The following KAZN variants were observed in gnomAD, a reference collection of about 807,000 sequenced individuals.
KAZN encodes the protein kazrin, periplakin interacting protein.
A neutral mutation model predicts 87.4 loss-of-function variants in KAZN; 40 were observed. The observed-to-expected ratio is 0.46, with a 90% confidence interval of 0.36 to 0.60. The LOEUF is 0.60. Ranked by LOEUF, KAZN falls within the 20% of genes least tolerant of loss-of-function variation. The probability of loss-of-function intolerance (pLI) is 0.00; values close to 1 mark genes in which losing one functional copy is unlikely to be tolerated. For missense variants in KAZN, 898 were observed against 1,073.9 expected, an observed-to-expected ratio of 0.84 and a Z score of 2.29; for synonymous variants, 466 against 458.3, an observed-to-expected ratio of 1.02 and a Z score of -0.22.
In KAZN at chr1:14,157,846, G is replaced by A. The variant is rs542460986; in HGVS notation, c.92-22589G>A. On this transcript the variant is annotated intron_variant, in intron 1 of 16. Transcript: ENST00000636203. ...TACAATCATGGAGGAAGGTGAAAGG[G>A]AAGCAAGGCATGTCTTACATGGCAG... Among the ~76,000 whole-genome samples, 19 of 152,270 alleles carry A rather than the reference G, an allele frequency of 1.2e-4. No homozygotes were observed. The South Asian group carries it at 2.7e-3, about 22-fold the overall frequency.
At chr1:14,241,293 G>A (rs1203735221) in intron 2 of KAZN, among the ~76,000 whole-genome samples, 1 of 152,148 alleles carries the variant, frequency 6.6e-6, no homozygotes, top group Non-Finnish European at 1.5e-5. Flanking sequence ...CCAGGCTCTG[G>A]CCTCCACTGA....
chr1:14,736,465 ATTT>A (rs756285598), intron 1 of KAZN, among the ~76,000 whole-genome samples: 5,424 of 107,900 alleles, frequency 0.05, 134 homozygotes, highest in South Asian at 0.095. Flanking sequence ...CACCCAGCTA[ATTT>A]TTTTTTTTTT....
At chr1:14,059,912 G>C (rs1642720707) in intron 1 of KAZN, among the ~76,000 whole-genome samples, 1 of 152,072 alleles carries the variant, frequency 6.6e-6, no homozygotes, top group East Asian at 1.9e-4. Context: ...GCTTTCCTTT[G>C]ATTTATTTGC....
intron 1 of KAZN, among the ~76,000 whole-genome samples, chr1:14,957,005 C>T (rs1205232972): frequency 3.3e-5 from 5 of 152,134 alleles, no homozygotes; most frequent in African/African-American, 9.7e-5. Context: ...TCTGGAATGC[C>T]GCCAACTTCT....
chr1:14,905,097 C>A (rs956490615), intron 1 of KAZN, among the ~76,000 whole-genome samples: 1 of 152,154 alleles, frequency 6.6e-6, no homozygotes, highest in East Asian at 1.9e-4. Flanking sequence ...CTCGCTCCTT[C>A]GCCCAGGCTG....
intron 2 of KAZN, among the ~76,000 whole-genome samples, chr1:14,450,475 A>G (rs1181013985): frequency 6.6e-6 from 1 of 152,226 alleles, no homozygotes; most frequent in Non-Finnish European, 1.5e-5. Context: ...CTGTAATCCC[A>G]GCTACTCAGG....
intron 2 of KAZN, among the ~76,000 whole-genome samples, chr1:14,976,666 G>T (rs1259886688): frequency 6.6e-6 from 1 of 152,186 alleles, no homozygotes; most frequent in African/African-American, 2.4e-5. Context: ...CCTGCGACGA[G>T]GCCCAACCAG....
At chr1:14,422,421 A>G (rs1432482624) in intron 2 of KAZN, among the ~76,000 whole-genome samples, 2 of 152,214 alleles carry the variant, frequency 1.3e-5, no homozygotes, top group East Asian at 1.9e-4. Flanking sequence ...GCTGGCCCAG[A>G]ACAAAACGCT....
At chr1:14,039,225 A>T (rs1222385203) in intron 1 of KAZN, among the ~76,000 whole-genome samples, 1 of 151,906 alleles carries the variant, frequency 6.6e-6, no homozygotes, top group Admixed American at 6.6e-5. Flanking sequence ...AGAACAACGT[A>T]TCTAACCCTG....
chr1:14,917,426 T>C (rs759890114), intron 1 of KAZN, among the ~76,000 whole-genome samples: 6 of 152,106 alleles, frequency 3.9e-5, no homozygotes, highest in Non-Finnish European at 8.8e-5. Flanking sequence ...TGGACGGAGA[T>C]GACAGTCTCC....
intron 1 of KAZN, among the ~76,000 whole-genome samples, chr1:13,948,956 A>C (rs1443814160): frequency 6.6e-6 from 1 of 152,196 alleles, no homozygotes; most frequent in African/African-American, 2.4e-5. Flanking sequence ...ACTGGACTCA[A>C]GATGCATGAC....
At chr1:13,938,509 TTTTATTTA>T (rs200673056) in intron 1 of KAZN, among the ~76,000 whole-genome samples, 2,492 of 152,286 alleles carry the variant, frequency 0.016, 64 homozygotes, top group African/African-American at 0.055. Flanking sequence ...TTTGGATGCT[TTTTATTTA>T]TTTATTTATT....
At chr1:13,921,934 G>A (rs1199812322) in intron 1 of KAZN, among the ~76,000 whole-genome samples, 1 of 152,144 alleles carries the variant, frequency 6.6e-6, no homozygotes, top group Non-Finnish European at 1.5e-5. Flanking sequence ...TCCAGCCCCA[G>A]TTGTTTGCAT....
At chr1:14,318,940 A>ATTAG (rs1655844078) in intron 2 of KAZN, among the ~76,000 whole-genome samples, 1 of 151,840 alleles carries the variant, frequency 6.6e-6, no homozygotes, top group Non-Finnish European at 1.5e-5. Flanking sequence ...AGAGTTAAAA[A>ATTAG]CAACTTTTAA....
chr1:13,975,431 G>C (rs924598104), intron 1 of KAZN, among the ~76,000 whole-genome samples: 1 of 152,180 alleles, frequency 6.6e-6, no homozygotes, highest in African/African-American at 2.4e-5. Flanking sequence ...TCAGAGGCTC[G>C]ACTCTTTCCT....
chr1:14,904,253 C>T (rs768834576), intron 1 of KAZN, among the ~76,000 whole-genome samples: 3 of 144,846 alleles, frequency 2.1e-5, no homozygotes, highest in African/African-American at 5.1e-5. Context: ...TGCAGTGAGC[C>T]GAGATAGCGC....
intron 1 of KAZN, among the ~76,000 whole-genome samples, chr1:14,173,267 G>A (rs1645995177): frequency 6.6e-6 from 1 of 152,172 alleles, no homozygotes; most frequent in Non-Finnish European, 1.5e-5. Context: ...CTTCCTGATT[G>A]CAAATGATAG....
At chr1:14,106,053 TAACAAC>T (rs1201480343) in intron 1 of KAZN, among the ~76,000 whole-genome samples, 2 of 152,106 alleles carry the variant, frequency 1.3e-5, no homozygotes, top group African/African-American at 2.4e-5. Flanking sequence ...ACAATAACAG[TAACAAC>T]AACAATAACA....
intron 1 of KAZN, among the ~76,000 whole-genome samples, chr1:13,982,754 A>T (rs193035073): frequency 1.3e-5 from 2 of 152,202 alleles, no homozygotes; most frequent in African/African-American, 4.8e-5. Context: ...CCAAGGCCCC[A>T]CCAGAGCAGC....
Sources: allele counts gnomAD v4.1 joint callset (sites outside exome capture counted in the v4.1 genomes callset), GRCh38; gene constraint gnomAD v4.1.1; transcripts MANE v1.5; gene names NCBI Gene and HGNC (gene_info 2026-07-23, HGNC 2026-07-21).